The following RALYL variants were observed in gnomAD, a reference collection of about 807,000 sequenced individuals.
The protein encoded by RALYL is RNA-binding Raly-like protein.
RALYL carries 29 observed loss-of-function variants against 35.1 expected under a neutral mutation model. The ratio of observed to expected loss-of-function variants is 0.83; its 90% confidence interval spans 0.61 to 1.13. The LOEUF is 1.13. RALYL is among the 50% of genes most tolerant of loss of function. The pLI, the probability that RALYL is intolerant of heterozygous loss-of-function variation, is 0.00. For missense variants in RALYL, 359 were observed against 360.4 expected (o/e 1.00, Z 0.03); for synonymous variants, 120 against 127.6 (o/e 0.94, Z 0.40).
intron 1 of RALYL, chr8:84,185,094 C>G (rs1812163722): frequency 6.7e-7 from 1 of 1,491,244 alleles, no homozygotes; most frequent in Non-Finnish European, 9.4e-7. Context: ...TTTTTTTTCC[C>G]TGTTGTGTTG....
At chr8:84,897,167 A>G (rs1196350183) in intron 8 of RALYL, among the ~76,000 whole-genome samples, 2 of 152,210 alleles carry the variant, frequency 1.3e-5, no homozygotes, top group African/African-American at 4.8e-5. Flanking sequence ...ATTAAAAAAT[A>G]TAATGCATGG....
chr8:84,358,479 T>A (rs1466886246), intron 1 of RALYL, among the ~76,000 whole-genome samples: 1 of 152,038 alleles, frequency 6.6e-6, no homozygotes, highest in East Asian at 1.9e-4. Context: ...ATTGTTGTGA[T>A]GTTTCAGATA....
intron 1 of RALYL, among the ~76,000 whole-genome samples, chr8:84,426,696 G>A (rs1477291581): frequency 6.6e-6 from 1 of 152,048 alleles, no homozygotes; most frequent in Non-Finnish European, 1.5e-5. Flanking sequence ...ATTGAAAATG[G>A]CCAACAGATT....
chr8:84,473,502 T>C (rs995059810), intron 1 of RALYL, among the ~76,000 whole-genome samples: 21 of 151,960 alleles, frequency 1.4e-4, no homozygotes, highest in African/African-American at 4.6e-4. Flanking sequence ...TTTATTACTT[T>C]TAAGAAGTTA....
chr8:84,830,711 C>T (rs1372811886), intron 4 of RALYL, among the ~76,000 whole-genome samples: 1 of 152,056 alleles, frequency 6.6e-6, no homozygotes, highest in Non-Finnish European at 1.5e-5. Flanking sequence ...TGGAAGTTCA[C>T]AAATTCTTCA....
At chr8:84,693,249 TA>T (rs1589048233) in intron 2 of RALYL, among the ~76,000 whole-genome samples, 1 of 151,954 alleles carries the variant, frequency 6.6e-6, no homozygotes. Context: ...GAGCAATTTA[TA>T]AAGCAAAGAG....
chr8:84,194,844 A>G (rs900743045), intron 1 of RALYL, among the ~76,000 whole-genome samples: 11 of 152,146 alleles, frequency 7.2e-5, no homozygotes, highest in Non-Finnish European at 1.6e-4. Flanking sequence ...CAGACAGTTG[A>G]CTTGTTAAAT....
At position 84,862,421 on chromosome 8, in the gene RALYL, G is replaced by A. The variant is rs1179161113; in HGVS notation, c.539G>A (p.Arg180Lys). The A allele has an allele frequency of 2.5e-6, 4 of 1,604,776 alleles. No homozygotes were observed. The highest frequency in any genetic ancestry group is 3.3e-4 in the Middle Eastern group (2 of 6,048). ...KGVFSMKGGS[R>K]STASGSTGSK... ...GTCTTTTCCATGAAAGGTGGATCGA[G>A]ATCTACTGCCAGTGGGTCAACAGGT... is the stretch of plus-strand genomic sequence containing the variant. Residue 180 changes from arginine to lysine, a missense_variant, in exon 6 of 9, where the codon AGA becomes AAA. Physicochemically the swap from Arg to Lys is conservative, Grantham distance 26. Coordinates refer to ENST00000521268, the MANE Select transcript of RALYL (RefSeq NM_173848.7).
At chr8:84,604,654 T>C (rs766274825) in intron 2 of RALYL, among the ~76,000 whole-genome samples, 199 of 152,166 alleles carry the variant, frequency 1.3e-3, no homozygotes, top group Non-Finnish European at 2.5e-3. Flanking sequence ...TTGTCTCTGA[T>C]ACTGTAGTAC....
intron 2 of RALYL, among the ~76,000 whole-genome samples, chr8:84,697,342 C>T (rs1346782431): frequency 6.6e-6 from 1 of 152,006 alleles, no homozygotes; most frequent in East Asian, 1.9e-4. Flanking sequence ...AATGTCTAGA[C>T]CAACATTTTC....
chr8:84,905,836 C>A (rs1041879821), intron 8 of RALYL, among the ~76,000 whole-genome samples: 2 of 151,556 alleles, frequency 1.3e-5, no homozygotes, highest in African/African-American at 4.8e-5. Flanking sequence ...ATCCTCATTT[C>A]TTTCTTCCAG....
intron 2 of RALYL, among the ~76,000 whole-genome samples, chr8:84,709,642 T>C (rs1350693407): frequency 1.3e-5 from 2 of 151,810 alleles, no homozygotes; most frequent in African/African-American, 4.8e-5. Flanking sequence ...CTCCCGAAGG[T>C]TGAGAATCAC....
intron 1 of RALYL, among the ~76,000 whole-genome samples, chr8:84,463,794 T>C (rs2051121464): frequency 6.6e-6 from 1 of 152,072 alleles, no homozygotes; most frequent in Non-Finnish European, 1.5e-5. Flanking sequence ...AAATCACCCT[T>C]TTTAGTGTAC....
At chr8:84,756,083 C>G (rs1327456267) in intron 2 of RALYL, among the ~76,000 whole-genome samples, 1 of 151,862 alleles carries the variant, frequency 6.6e-6, no homozygotes, top group African/African-American at 2.4e-5. Flanking sequence ...AGTAATATAT[C>G]CATAAAGTAG....
At chr8:84,779,679 G>A (rs1563586066) in intron 3 of RALYL, among the ~76,000 whole-genome samples, 1 of 152,166 alleles carries the variant, frequency 6.6e-6, no homozygotes, top group Non-Finnish European at 1.5e-5. Flanking sequence ...ACAATTGGTG[G>A]TGGTCACCAT....
At chr8:84,670,989 G>C (rs1424005253) in intron 2 of RALYL, among the ~76,000 whole-genome samples, 1 of 152,150 alleles carries the variant, frequency 6.6e-6, no homozygotes, top group Non-Finnish European at 1.5e-5. Context: ...CTTCTGTTTA[G>C]AGCCTGTAAA....
At chr8:84,435,543 TA>T (rs1275056971) in intron 1 of RALYL, among the ~76,000 whole-genome samples, 1 of 152,164 alleles carries the variant, frequency 6.6e-6, no homozygotes, top group African/African-American at 2.4e-5. Flanking sequence ...TTAATGTAAG[TA>T]ACTGTAAGTC....
At chr8:84,277,248 T>C (rs1014977607) in intron 1 of RALYL, among the ~76,000 whole-genome samples, 1 of 152,156 alleles carries the variant, frequency 6.6e-6, no homozygotes. Context: ...AAAGGCACAT[T>C]GTGGCAGGCA....
chr8:84,724,375 T>G (rs1022664959), intron 2 of RALYL, among the ~76,000 whole-genome samples: 4 of 151,824 alleles, frequency 2.6e-5, no homozygotes, highest in African/African-American at 9.7e-5. Flanking sequence ...TCATCATGTA[T>G]TCACCCCTTT....
Sources: allele counts gnomAD v4.1 joint callset (sites outside exome capture counted in the v4.1 genomes callset), GRCh38; gene constraint gnomAD v4.1.1; transcripts MANE v1.5; gene names NCBI Gene and HGNC (gene_info 2026-07-23, HGNC 2026-07-21).